Variants in CFAP69 observed in about 807,000 individuals in gnomAD.
CFAP69 encodes cilia- and flagella-associated protein 69.
In CFAP69, 92 loss-of-function variants were observed where a neutral mutation model predicts 123.0. That is an observed-to-expected ratio of 0.75 (90% CI 0.63 to 0.89). The LOEUF is 0.89. Ranked by LOEUF, CFAP69 falls within the 40% of genes least tolerant of loss-of-function variation. The pLI, the probability that CFAP69 is intolerant of heterozygous loss-of-function variation, is 0.00. For missense variants in CFAP69, 1,067 were observed against 1,096.9 expected, an observed-to-expected ratio of 0.97 and a Z score of 0.39; for synonymous variants, 380 against 364.3, an observed-to-expected ratio of 1.04 and a Z score of -0.49.
At chr7:90,315,503 C>A (rs1435821675), downstream of CFAP69, among the ~76,000 whole-genome samples, 2 of 152,132 alleles carry the variant, frequency 1.3e-5, no homozygotes, top group African/African-American at 4.8e-5. Flanking sequence ...AACACAGGAA[C>A]AGAAAACCGA....
At chr7:90,300,770 C>G (rs1015008925) in intron 17 of CFAP69, 2 of 155,004 alleles carry the variant, frequency 1.3e-5, no homozygotes, top group African/African-American at 4.8e-5. Context: ...CCTGCCTTAG[C>G]CTCCCAAGTA....
In CFAP69 at chr7:90,247,290, G is replaced by A. The variant is rs137929200; in HGVS notation, c.120+1746G>A. The stretch of plus-strand genomic sequence containing the variant: ...GAACGAAAAAATGATAACCTTTTAG[G>A]CCTCTGCCTTAGGCCAGTTTAGGAA... On this transcript the variant is annotated intron_variant, in intron 1 of 22. Transcript: ENST00000389297. Among the ~76,000 whole-genome samples the A allele has an allele frequency of 6.6e-3, 1,007 of 152,266 alleles. 10 individuals are homozygous for A. Among genetic ancestry groups the A allele is most frequent in the African/African-American group, 0.022 (899 of 41,524 alleles).
chr7:90,251,245 T>A (rs1204152903), intron 1 of CFAP69, among the ~76,000 whole-genome samples: 1 of 152,048 alleles, frequency 6.6e-6, no homozygotes, highest in African/African-American at 2.4e-5. Context: ...CTGGGAAGCT[T>A]TATAGTGGTA....
intron 5 of CFAP69, 25 bp downstream of exon 5, chr7:90,265,402 T>C: frequency 1.3e-6 from 2 of 1,512,072 alleles, no homozygotes; most frequent in Non-Finnish European, 1.8e-6. Context: ...CCTTAAGGTA[T>C]AGGGATGTAA....
chr7:90,293,504 T>C (rs1029075384), intron 15 of CFAP69, among the ~76,000 whole-genome samples: 1 of 152,196 alleles, frequency 6.6e-6, no homozygotes, highest in African/African-American at 2.4e-5. Context: ...TACAATTTTT[T>C]CACAAATCTG....
At chr7:90,275,936 G>C (rs1788547023) in intron 9 of CFAP69, 1 of 152,140 alleles carries the variant, frequency 6.6e-6, no homozygotes, top group Admixed American at 6.5e-5. Flanking sequence ...AACTCGTGTA[G>C]TGCCATTCCC....
At chr7:90,264,915 T>A (rs1798928845) in intron 4 of CFAP69, among the ~76,000 whole-genome samples, 2 of 152,036 alleles carry the variant, frequency 1.3e-5, no homozygotes, top group South Asian at 4.1e-4. Flanking sequence ...TGCCTCAGCC[T>A]CCCGAGTAGC....
chr7:90,294,979 G>A (rs922920977), intron 15 of CFAP69, among the ~76,000 whole-genome samples: 2 of 152,108 alleles, frequency 1.3e-5, no homozygotes, highest in African/African-American at 2.4e-5. Flanking sequence ...CCTGCCCATT[G>A]GTGCCAACAC....
chr7:90,302,049 T>C (rs554659908), intron 17 of CFAP69: 1 of 152,238 alleles, frequency 6.6e-6, no homozygotes, highest in South Asian at 2.1e-4. Flanking sequence ...TCATTGTGAT[T>C]TGAATTTGAA....
At chr7:90,304,973 C>T (rs1793354689) in intron 19 of CFAP69, among the ~76,000 whole-genome samples, 153 bp downstream of exon 19, 1 of 151,992 alleles carries the variant, frequency 6.6e-6, no homozygotes, top group Non-Finnish European at 1.5e-5. Flanking sequence ...AGAAATACAC[C>T]ATACACCCAT....
chr7:90,304,801 A>G lies in CFAP69; in HGVS notation c.2246A>G (p.His749Arg). The G allele has an allele frequency of 1.3e-6, 2 of 1,513,672 alleles. No individual in the cohort carries two copies. The highest frequency in any genetic ancestry group is 1.2e-5 in the South Asian group (1 of 85,818). 93.8% of individuals were successfully genotyped at this position (1,513,672 alleles called of 1,614,324 possible). A position where few individuals can be genotyped will look rare whatever the true frequency, so the allele number is the denominator to read the frequency against. Reference protein sequence around the residue: ...AEDFVTLCIIHRYLDFKIGEI... With the variant: ...AEDFVTLCIIRRYLDFKIGEI... Reference sequence around the variant, plus strand: ...GATTTTGTCACCCTTTGTATCATACATAGATATCTTGATTTTAAAGTAAGT... The same window carrying G: ...GATTTTGTCACCCTTTGTATCATACGTAGATATCTTGATTTTAAAGTAAGT... Residue 749 changes from histidine (H) to arginine (R), a missense_variant, in exon 19 of 23, where the codon CAT (histidine) becomes CGT (arginine). By Grantham distance (29) the His-to-Arg change is conservative. Coordinates refer to ENST00000389297, the MANE Select transcript of CFAP69 (RefSeq NM_001039706.3).
At chr7:90,289,424 A>C (rs1476958653) in intron 15 of CFAP69, among the ~76,000 whole-genome samples, 1 of 151,726 alleles carries the variant, frequency 6.6e-6, no homozygotes, top group African/African-American at 2.4e-5. Context: ...TTGCCATTTA[A>C]ATAGCCTTTT....
chr7:90,286,040 G>A (rs753713137), intron 13 of CFAP69, among the ~76,000 whole-genome samples: 7 of 152,092 alleles, frequency 4.6e-5, no homozygotes, highest in Admixed American at 6.5e-5. Flanking sequence ...GGTCGTGCAC[G>A]CCTGTAATCC....
At chr7:90,313,192 A>G (rs1204817714), downstream of CFAP69, among the ~76,000 whole-genome samples, 1 of 152,226 alleles carries the variant, frequency 6.6e-6, no homozygotes, top group Admixed American at 6.5e-5. Context: ...GGTCAGCTCC[A>G]TCTGAAGTGC....
intron 11 of CFAP69, among the ~76,000 whole-genome samples, chr7:90,278,464 T>C (rs533046146): frequency 4.7e-4 from 71 of 152,278 alleles, no homozygotes; most frequent in African/African-American, 1.7e-3. Context: ...AACCTAAATG[T>C]ATTTTCCAAA....
chr7:90,296,072 T>C (rs1394404934), intron 15 of CFAP69, among the ~76,000 whole-genome samples: 1 of 152,164 alleles, frequency 6.6e-6, no homozygotes, highest in Non-Finnish European at 1.5e-5. Context: ...GCCTTAACCT[T>C]CTGGAAATGC....
At position 90,288,459 on chromosome 7, in the gene CFAP69, T is replaced by G. The variant is rs867749769; in HGVS notation, c.1775+107T>G. ...TGTTTCCTTAGGCAATTTCATCTTA[T>G]GCAAACATTATAGGATGTAGTTACA... On this transcript the variant is annotated intron_variant, in intron 15 of 22. Coordinates refer to ENST00000389297, the MANE Select transcript of CFAP69 (RefSeq NM_001039706.3). 267 of 1,295,812 alleles carry G rather than the reference T, an allele frequency of 2.1e-4. 2 individuals carry two copies. In the Middle Eastern group the frequency reaches 7.5e-3, roughly 36 times the overall value. The allele number at this position is 1,295,812 out of a possible 1,614,324, so 80.3% of individuals were successfully genotyped here.
chr7:90,298,502 C>T (rs188968119), intron 16 of CFAP69, among the ~76,000 whole-genome samples: 5 of 152,252 alleles, frequency 3.3e-5, no homozygotes, highest in East Asian at 1.9e-4. Context: ...GCTCCCTGTC[C>T]GTGATTCTAT....
At chr7:90,260,223 T>C (rs1410301767) in intron 3 of CFAP69, among the ~76,000 whole-genome samples, 1 of 152,150 alleles carries the variant, frequency 6.6e-6, no homozygotes, top group African/African-American at 2.4e-5. Context: ...GTTGTCTGAC[T>C]TGGTCTAAAG....
Sources: allele counts gnomAD v4.1 joint callset (sites outside exome capture counted in the v4.1 genomes callset), GRCh38; gene constraint gnomAD v4.1.1; transcripts MANE v1.5; gene names NCBI Gene and HGNC (gene_info 2026-07-23, HGNC 2026-07-21).